TMTC2: variants seen among roughly 807,000 people sequenced by gnomAD.
TMTC2 encodes transmembrane O-mannosyltransferase targeting cadherins 2.
A neutral mutation model predicts 82.4 loss-of-function variants in TMTC2; 43 were observed. The ratio of observed to expected loss-of-function variants is 0.52; its 90% CI spans 0.41 to 0.67. The LOEUF is 0.67. TMTC2 is among the 30% of genes least tolerant of loss of function. The pLI is 0.00. For missense variants in TMTC2, 919 were observed against 1,012.4 expected (o/e 0.91, Z 1.25); for synonymous variants, 408 against 381.9 (o/e 1.07, Z -0.80).
intron 8 of TMTC2, among the ~76,000 whole-genome samples, chr12:82,998,946 C>A (rs73148411): frequency 0.07 from 10,678 of 152,112 alleles, 510 homozygotes; most frequent in African/African-American, 0.13. Flanking sequence ...GAAGTTAGTA[C>A]AGAGAGTTCT....
chr12:82,867,155 G>A (rs1871909453), intron 2 of TMTC2, among the ~76,000 whole-genome samples: 1 of 152,132 alleles, frequency 6.6e-6, no homozygotes, highest in African/African-American at 2.4e-5. Flanking sequence ...GCTCCTGTAT[G>A]CTCTGTTGGT....
chr12:82,720,138 G>GT (rs1481198052), intron 1 of TMTC2, among the ~76,000 whole-genome samples: 1 of 151,912 alleles, frequency 6.6e-6, no homozygotes, highest in East Asian at 1.9e-4. Context: ...ATATTCACAG[G>GT]TGTCTGTGAC....
chr12:82,995,352 A>C (rs990716542), intron 8 of TMTC2, among the ~76,000 whole-genome samples: 3 of 150,742 alleles, frequency 2.0e-5, no homozygotes, highest in Admixed American at 6.6e-5. Context: ...ACACACACAC[A>C]CGCACATAAA....
chr12:83,010,687 A>G (rs1457289886), intron 8 of TMTC2, among the ~76,000 whole-genome samples: 1 of 152,174 alleles, frequency 6.6e-6, no homozygotes, highest in Non-Finnish European at 1.5e-5. Context: ...CATTTCAGTA[A>G]CAAATCTATG....
chr12:82,980,435 T>A (rs1331928674), intron 7 of TMTC2, among the ~76,000 whole-genome samples: 1 of 151,698 alleles, frequency 6.6e-6, no homozygotes, highest in South Asian at 2.1e-4. Context: ...GTTCTCAAAC[T>A]CCATGGAGAG....
Position 82,799,200 on chromosome 12 carries a change from T to C in TMTC2, c.84-57810T>C, listed in dbSNP as rs147906789. 2.4e-4 allele frequency among the ~76,000 whole-genome samples: 36 copies of C among 152,154 alleles called. No homozygotes were observed. In the East Asian group the frequency reaches 6.8e-3, roughly 29 times the overall value. Reference sequence around the variant, plus strand: ...TAAAAATATATTCAGTGTTGAAAAATGTACTCAGTCCTGCAGACCAGAGAT... The same window carrying C: ...TAAAAATATATTCAGTGTTGAAAAACGTACTCAGTCCTGCAGACCAGAGAT... On this transcript the variant is annotated intron_variant, in intron 1 of 11. Transcript: ENST00000321196.
chr12:82,953,767 G>A (rs967608584), intron 4 of TMTC2, among the ~76,000 whole-genome samples: 3 of 151,552 alleles, frequency 2.0e-5, no homozygotes, highest in Non-Finnish European at 4.4e-5. Context: ...GTTCATTTCA[G>A]TTTGCAAATT....
At chr12:83,038,045 C>A (rs1157497174) in intron 9 of TMTC2, among the ~76,000 whole-genome samples, 1 of 148,178 alleles carries the variant, frequency 6.7e-6, no homozygotes, top group Non-Finnish European at 1.5e-5. Flanking sequence ...GGACAAAAAA[C>A]CAAACACCAC....
chr12:82,742,407 C>T (rs1481424140), intron 1 of TMTC2, among the ~76,000 whole-genome samples: 3 of 151,816 alleles, frequency 2.0e-5, no homozygotes, highest in Non-Finnish European at 4.4e-5. Flanking sequence ...TTATATGCCA[C>T]CACTATATGG....
At chr12:82,907,036 TA>T (rs1171277409) in intron 3 of TMTC2, among the ~76,000 whole-genome samples, 1 of 152,208 alleles carries the variant, frequency 6.6e-6, no homozygotes, top group Non-Finnish European at 1.5e-5. Context: ...TAGACTGAAA[TA>T]TTTTTTAAAA....
chr12:82,927,392 G>A (rs1347192030), intron 3 of TMTC2, among the ~76,000 whole-genome samples: 11 of 152,158 alleles, frequency 7.2e-5, no homozygotes, highest in East Asian at 1.9e-4. Flanking sequence ...TCATGATAAC[G>A]TATTTACAGA....
intron 11 of TMTC2, among the ~76,000 whole-genome samples, chr12:83,082,101 G>A (rs200821859): frequency 2.0e-5 from 3 of 152,278 alleles, no homozygotes; most frequent in East Asian, 1.9e-4. Context: ...TAATTTGTTC[G>A]ATTGTAGTAT....
chr12:82,793,275 G>T (rs1032931484), intron 1 of TMTC2, among the ~76,000 whole-genome samples: 1 of 151,548 alleles, frequency 6.6e-6, no homozygotes, highest in Admixed American at 6.6e-5. Flanking sequence ...ATTTTTAAAG[G>T]ACTTAATACT....
In TMTC2 at chr12:82,740,997, C is replaced by G. The variant is rs377591479; in HGVS notation, c.83+53328C>G. Among the ~76,000 whole-genome samples the G allele has an allele frequency of 6.0e-4, 91 of 152,266 alleles. 4 individuals are homozygous for G. The highest frequency in any genetic ancestry group is 2.1e-3 in the African/African-American group (88 of 41,554). ...GATGTGAAGGAGGTGGCACTCTTAC[C>G]CCAGCGCTCCTCAGCCTTTATTACC... On this transcript the variant is annotated intron_variant, in intron 1 of 11. Coordinates refer to ENST00000321196, the MANE Select transcript of TMTC2 (RefSeq NM_152588.3).
intron 7 of TMTC2, among the ~76,000 whole-genome samples, chr12:82,968,078 G>C (rs1014390365): frequency 1.1e-4 from 16 of 152,072 alleles, no homozygotes; most frequent in Admixed American, 6.6e-4. Context: ...AGATAGGCTG[G>C]AGTACTAGAC....
rs1035642245 is a variant in TMTC2, at chr12:82,818,790, C to A, written c.84-38220C>A. 5.3e-5 allele frequency among the ~76,000 whole-genome samples: 8 copies of A among 152,054 alleles called. No individual in the cohort carries two copies. In the South Asian group the frequency reaches 8.3e-4, roughly 16 times the overall value. On this transcript the variant is annotated intron_variant, in intron 1 of 11. Coordinates refer to ENST00000321196, the MANE Select transcript of TMTC2 (RefSeq NM_152588.3). The stretch of plus-strand genomic sequence containing the variant: ...CATGGGGCTTGTTCTGGAAACAGAT[C>A]TGTTTTGAACCTTATGGACTACAAG...
At chr12:82,830,281 A>C (rs1301086971) in intron 1 of TMTC2, among the ~76,000 whole-genome samples, 5 of 152,018 alleles carry the variant, frequency 3.3e-5, no homozygotes. Flanking sequence ...GTTTCTGCCC[A>C]GCATAGTAGC....
intron 8 of TMTC2, among the ~76,000 whole-genome samples, chr12:83,016,803 A>G (rs974292126): frequency 2.0e-5 from 3 of 152,196 alleles, no homozygotes; most frequent in Non-Finnish European, 4.4e-5. Context: ...AAGCTTCTGT[A>G]CCTGGGCAAG....
chr12:82,953,099 C>T (rs1388540094), intron 4 of TMTC2, among the ~76,000 whole-genome samples: 1 of 152,122 alleles, frequency 6.6e-6, no homozygotes, highest in African/African-American at 2.4e-5. Flanking sequence ...TTTGGTTTGA[C>T]CACTACCTCC....
Sources: gnomAD v4.1 joint callset for allele counts (sites outside exome capture counted in the v4.1 genomes callset) on GRCh38, gnomAD v4.1.1 for gene constraint, MANE v1.5 for transcripts, NCBI Gene and HGNC (gene_info 2026-07-23, HGNC 2026-07-21) for gene names.